AFTPH: variants seen among roughly 807,000 people sequenced by gnomAD.
The protein encoded by AFTPH is aftiphilin protein.
In AFTPH, 7 loss-of-function variants were observed where a neutral mutation model predicts 72.5. That is an observed-to-expected ratio of 0.10 (90% CI 0.05 to 0.18). The LOEUF is 0.18. Ranked by LOEUF, AFTPH falls within the 10% of genes least tolerant of loss-of-function variation. The probability of loss-of-function intolerance (pLI) is 1.00; values close to 1 mark genes in which losing one functional copy is unlikely to be tolerated. For synonymous variants in AFTPH, 337 were observed against 370.1 expected, an observed-to-expected ratio of 0.91 and a Z score of 1.03; for missense variants, 979 against 1,060.5, an observed-to-expected ratio of 0.92 and a Z score of 1.07.
chr2:64,568,855 G>A (rs1289828391), intron 3 of AFTPH, among the ~76,000 whole-genome samples: 2 of 152,094 alleles, frequency 1.3e-5, no homozygotes, highest in Non-Finnish European at 2.9e-5. Flanking sequence ...CAGGTGATCC[G>A]CCTGCCTCGG....
At chr2:64,567,293 A>G (rs1672144222) in intron 2 of AFTPH, among the ~76,000 whole-genome samples, 1 of 152,202 alleles carries the variant, frequency 6.6e-6, no homozygotes, top group African/African-American at 2.4e-5. Context: ...TTTGTAATAG[A>G]TTAAGATAAT....
chr2:64,548,634 C>T (rs1364909108), intron 1 of AFTPH, among the ~76,000 whole-genome samples: 1 of 151,996 alleles, frequency 6.6e-6, no homozygotes, highest in Non-Finnish European at 1.5e-5. Flanking sequence ...TGCAAGGGTT[C>T]CTTTCCCCAC....
At chr2:64,533,218 C>G (rs1036364364) in intron 1 of AFTPH, among the ~76,000 whole-genome samples, 3 of 151,924 alleles carry the variant, frequency 2.0e-5, no homozygotes, top group African/African-American at 7.3e-5. Flanking sequence ...GGCAACATGA[C>G]AAAACCCCAT....
At chr2:64,592,021 A>G (rs1673857625) in exon 9 of AFTPH, 1 of 1,613,928 alleles carries the variant, frequency 6.2e-7, no homozygotes, top group Non-Finnish European at 8.5e-7. Context: ...CTCTCAAGAA[A>G]AAGCAGACGG....
At chr2:64,575,058 C>G (rs959182369) in intron 6 of AFTPH, among the ~76,000 whole-genome samples, 2 of 152,236 alleles carry the variant, frequency 1.3e-5, no homozygotes, top group African/African-American at 4.8e-5. Flanking sequence ...CCTCCTCCAT[C>G]TAACCACTTC....
At chr2:64,537,402 C>G (rs1669956288) in intron 1 of AFTPH, among the ~76,000 whole-genome samples, 1 of 152,016 alleles carries the variant, frequency 6.6e-6, no homozygotes, top group South Asian at 2.1e-4. Flanking sequence ...AACAAACCTG[C>G]ACATGTACCC....
chr2:64,584,051 G>A (rs1394063783), intron 7 of AFTPH, among the ~76,000 whole-genome samples: 1 of 151,720 alleles, frequency 6.6e-6, no homozygotes, highest in Non-Finnish European at 1.5e-5. Context: ...TTTTTTTAAA[G>A]AAATAATAAG....
intron 2 of AFTPH, among the ~76,000 whole-genome samples, chr2:64,554,086 T>C (rs1050865381): frequency 1.3e-5 from 2 of 152,234 alleles, no homozygotes; most frequent in Non-Finnish European, 2.9e-5. Flanking sequence ...GGTTCACTTA[T>C]TGTAGTTGTA....
At chr2:64,584,619 C>T (rs562803008) in intron 7 of AFTPH, among the ~76,000 whole-genome samples, 2 of 100,756 alleles carry the variant, frequency 2.0e-5, no homozygotes, top group East Asian at 6.1e-4. Flanking sequence ...TTTTTTGAGA[C>T]GCAGTCTTGT....
At chr2:64,569,103 A>C in exon 4 of AFTPH, 1 of 1,614,064 alleles carries the variant, frequency 6.2e-7, no homozygotes. Flanking sequence ...GAATTGCTAG[A>C]TGTGTGGACT....
chr2:64,564,717 C>G (rs1340165020), intron 2 of AFTPH, among the ~76,000 whole-genome samples: 1 of 152,054 alleles, frequency 6.6e-6, no homozygotes, highest in Non-Finnish European at 1.5e-5. Context: ...CAGTCATTTA[C>G]TTACTGGAAT....
exon 2 of AFTPH, chr2:64,552,437 A>G (rs755921028): frequency 2.5e-6 from 4 of 1,614,170 alleles, no homozygotes; most frequent in Admixed American, 1.7e-5. Context: ...CAACACTGCA[A>G]CAGGATGAAT....
intron 1 of AFTPH, among the ~76,000 whole-genome samples, chr2:64,526,390 T>C (rs1558586394): frequency 6.6e-6 from 1 of 152,238 alleles, no homozygotes. Flanking sequence ...ATTAAGGGAT[T>C]GCCCCTTCTC....
chr2:64,531,747 C>T (rs762318634), intron 1 of AFTPH, among the ~76,000 whole-genome samples: 14 of 152,116 alleles, frequency 9.2e-5, no homozygotes, highest in Admixed American at 6.5e-4. Context: ...ACATTGGTCA[C>T]ATGTTAAAAT....
chr2:64,572,799 C>A, intron 5 of AFTPH, 147 bp from the exon 6 acceptor site: 1 of 1,081,986 alleles, frequency 9.2e-7, no homozygotes, highest in Non-Finnish European at 1.2e-6. Flanking sequence ...GAGACCTTGT[C>A]TCTTAAAAAA....
At chr2:64,566,453 C>T (rs963737681) in intron 2 of AFTPH, among the ~76,000 whole-genome samples, 75 of 151,956 alleles carry the variant, frequency 4.9e-4, no homozygotes, top group African/African-American at 1.6e-3. Context: ...GCTCACTACA[C>T]TACAAAACAG....
chr2:64,591,915 T>C (rs1673849930), exon 9 of AFTPH: 2 of 1,614,018 alleles, frequency 1.2e-6, no homozygotes, highest in Non-Finnish European at 1.7e-6. Flanking sequence ...AGCACCTAAG[T>C]GAAGAAGCTA....
chr2:64,539,308 C>T (rs1394022815), intron 1 of AFTPH, among the ~76,000 whole-genome samples: 2 of 152,136 alleles, frequency 1.3e-5, no homozygotes, highest in Non-Finnish European at 2.9e-5. Context: ...GGAATTGTCT[C>T]AAATCAAAGC....
chr2:64,590,152 GT>G (rs1673737619), intron 8 of AFTPH, among the ~76,000 whole-genome samples: 2 of 152,158 alleles, frequency 1.3e-5, no homozygotes, highest in African/African-American at 4.8e-5. Flanking sequence ...GTACCTGGCT[GT>G]TGGGGCTCTT....
Sources: allele counts gnomAD v4.1 joint callset (sites outside exome capture counted in the v4.1 genomes callset), GRCh38; gene constraint gnomAD v4.1.1; transcripts MANE v1.5; gene names NCBI Gene and HGNC (gene_info 2026-07-23, HGNC 2026-07-21).